The following TEX26 variants were observed in gnomAD, a reference collection of about 807,000 sequenced individuals.
TEX26 encodes testis expressed 26.
Under a neutral mutation model 35.3 loss-of-function variants are expected in TEX26, and 34 were observed. The observed-to-expected ratio is 0.96, with a 90% CI of 0.73 to 1.28. The LOEUF is 1.28. Among genes scored for constraint, TEX26 ranks in the 50% most tolerant of loss-of-function variants. The pLI, the probability that TEX26 is intolerant of heterozygous loss-of-function variation, is 0.00. For synonymous variants in TEX26, 136 were observed against 111.8 expected (o/e 1.22, Z -1.36); for missense variants, 371 against 330.1 (o/e 1.12, Z -0.96).
intron 2 of TEX26, among the ~76,000 whole-genome samples, chr13:30,941,826 G>C (rs1953524823): frequency 6.6e-6 from 1 of 152,102 alleles, no homozygotes; most frequent in Non-Finnish European, 1.5e-5. Context: ...TGCTGCGAAA[G>C]ACATTATTTC....
At chr13:30,966,193 T>C in intron 4 of TEX26, 29 bp from the exon 5 acceptor site, 1 of 1,613,052 alleles carries the variant, frequency 6.2e-7, no homozygotes, top group Non-Finnish European at 8.5e-7. Context: ...AAGGAGTAAG[T>C]ATTGCCTTCC....
intron 1 of TEX26, chr13:30,936,865 A>AT: frequency 1.0e-6 from 1 of 985,444 alleles, no homozygotes; most frequent in Non-Finnish European, 1.2e-6. Context: ...CATACTAGGA[A>AT]CAGATTTTCA....
intron 6 of TEX26, among the ~76,000 whole-genome samples, chr13:30,974,510 A>G (rs547819107): frequency 2.0e-5 from 3 of 152,176 alleles, no homozygotes; most frequent in Non-Finnish European, 2.9e-5. Flanking sequence ...TGCTGCCTGT[A>G]TTCAAAGATG....
rs148308940 is a variant in TEX26, at chr13:30,948,003, C to G, written c.147-4657C>G. 3.7e-4 allele frequency among the ~76,000 whole-genome samples: 56 copies of G among 151,892 alleles called. 2 individuals are homozygous for G. The East Asian group carries it at 0.01, about 28-fold the overall frequency. On this transcript the variant is annotated intron_variant, in intron 2 of 6. Coordinates refer to ENST00000380473, the MANE Select transcript of TEX26 (RefSeq NM_152325.3). ...GAACATGCGGTGTTTGGTTTTTTGT[C>G]CCTGTGATAGTTTGCTGAGAATGAT...
chr13:30,935,522 G>T (rs142689610), intron 1 of TEX26, among the ~76,000 whole-genome samples: 1 of 152,236 alleles, frequency 6.6e-6, no homozygotes, highest in Non-Finnish European at 1.5e-5. Context: ...GGAACCCCCC[G>T]CTGTAGAGGA....
intron 1 of TEX26, chr13:30,933,547 G>A (rs1277698685): frequency 1.3e-5 from 2 of 152,226 alleles, no homozygotes; most frequent in African/African-American, 4.8e-5. Flanking sequence ...CAGTGGCTAT[G>A]GAGCAGTGAA....
chr13:30,967,874 G>A (rs1954592543), intron 5 of TEX26, among the ~76,000 whole-genome samples: 4 of 152,214 alleles, frequency 2.6e-5, no homozygotes, highest in South Asian at 2.1e-4. Context: ...TGGACAATGA[G>A]CGATGACTGT....
At chr13:30,944,419 G>C (rs1300606807) in intron 2 of TEX26, among the ~76,000 whole-genome samples, 4 of 151,048 alleles carry the variant, frequency 2.6e-5, no homozygotes, top group African/African-American at 7.3e-5. Flanking sequence ...TTGTTTCATT[G>C]ATTTTTTTTT....
intron 2 of TEX26, among the ~76,000 whole-genome samples, chr13:30,940,203 A>G (rs1006450914): frequency 6.6e-6 from 1 of 152,050 alleles, no homozygotes; most frequent in Admixed American, 6.6e-5. Context: ...GGAAGATGGA[A>G]GAAGGCCACT....
chr13:30,970,037 C>T (rs1269489203), intron 6 of TEX26, among the ~76,000 whole-genome samples: 2 of 152,008 alleles, frequency 1.3e-5, no homozygotes, highest in African/African-American at 2.4e-5. Context: ...CCTCCAGGTG[C>T]TGTCCCCAGC....
chr13:30,966,432 C>CTTTT lies in TEX26; in HGVS notation c.646+53_646+56dup, dbSNP rs10523710. 4,101 of 996,252 alleles carry CTTTT rather than the reference C, an allele frequency of 4.1e-3. 190 individuals are homozygous for CTTTT. In the African/African-American group the frequency reaches 0.077, roughly 19 times the overall value. The allele number at this position is 996,252 out of a possible 1,614,324, so 61.7% of individuals were successfully genotyped here. A position where few individuals can be genotyped will look rare whatever the true frequency, so the allele number is the denominator to read the frequency against. ...AGCTGCAGTTTCTTTTTCTTTTTCT[C>CTTTT]TTTTTTTTTTTTTTTTTTTTTTGAG... On this transcript the variant is annotated intron_variant, in intron 5 of 6. Transcript: ENST00000380473.
intron 2 of TEX26, among the ~76,000 whole-genome samples, chr13:30,949,445 A>G (rs193270335): frequency 9.2e-5 from 14 of 152,236 alleles, no homozygotes; most frequent in Admixed American, 2.0e-4. Context: ...TTTCATGTCA[A>G]AATAAAATCT....
At chr13:30,959,214 T>C (rs1954247796) in intron 4 of TEX26, among the ~76,000 whole-genome samples, 1 of 152,258 alleles carries the variant, frequency 6.6e-6, no homozygotes, top group South Asian at 2.1e-4. Flanking sequence ...TATACTTAAA[T>C]GATTACTTAC....
At chr13:30,967,406 G>T (rs568430765) in intron 5 of TEX26, among the ~76,000 whole-genome samples, 109 of 152,268 alleles carry the variant, frequency 7.2e-4, no homozygotes, top group African/African-American at 2.5e-3. Context: ...ATCCCCCTTC[G>T]TTGTCTGATG....
chr13:30,947,122 A>T (rs1412204), intron 2 of TEX26, among the ~76,000 whole-genome samples: 1 of 152,094 alleles, frequency 6.6e-6, no homozygotes, highest in South Asian at 2.1e-4. Flanking sequence ...CTGAGTTATC[A>T]CAATTATTTT....
At chr13:30,965,498 G>C (rs1244523142) in intron 4 of TEX26, among the ~76,000 whole-genome samples, 1 of 152,322 alleles carries the variant, frequency 6.6e-6, no homozygotes, top group African/African-American at 2.4e-5. Flanking sequence ...GGTGTTACAT[G>C]ATATGCCTCT....
In TEX26 at chr13:30,975,186, GA is replaced by G. The variant is rs551358307; in HGVS notation, c.*280del. On this transcript the variant is annotated 3_prime_UTR_variant, in exon 7 of 7. Coordinates refer to ENST00000380473, the MANE Select transcript of TEX26 (RefSeq NM_152325.3). The stretch of plus-strand genomic sequence containing the variant: ...ATACTTAATTTGTAGTTTCAATTTT[GA>G]TTTCTCCTGTGAACTAGGAATTATG... 5.3e-4 allele frequency: 113 copies of G among 214,370 alleles called. No homozygotes were observed. The highest frequency in any genetic ancestry group is 2.4e-3 in the African/African-American group (107 of 43,834). The allele number at this position is 214,370 out of a possible 1,614,324, so 13.3% of individuals were successfully genotyped here.
intron 2 of TEX26, among the ~76,000 whole-genome samples, chr13:30,948,285 T>C (rs1953791736): frequency 1.3e-5 from 2 of 152,204 alleles, no homozygotes. Context: ...AAATGGTATT[T>C]CTAGTTCTAG....
intron 1 of TEX26, among the ~76,000 whole-genome samples, chr13:30,934,736 C>T (rs1953205136): frequency 6.6e-6 from 1 of 152,170 alleles, no homozygotes; most frequent in Non-Finnish European, 1.5e-5. Context: ...ATGGGAGCTC[C>T]CTGTGCCGCT....
Sources: allele counts gnomAD v4.1 joint callset (sites outside exome capture counted in the v4.1 genomes callset), GRCh38; gene constraint gnomAD v4.1.1; transcripts MANE v1.5; gene names NCBI Gene and HGNC (gene_info 2026-07-23, HGNC 2026-07-21).